Variants in CENPE observed in about 807,000 individuals in gnomAD.
CENPE encodes centromere-associated protein E.
Under a neutral mutation model 336.1 loss-of-function variants are expected in CENPE, and 145 were observed. The observed-to-expected ratio is 0.43, with a 90% confidence interval of 0.38 to 0.50. The LOEUF (loss-of-function observed/expected upper bound fraction) is 0.50. Ranked by LOEUF, CENPE falls within the 20% of genes least tolerant of loss-of-function variation. The probability of loss-of-function intolerance (pLI) is 0.00; values close to 1 mark genes in which losing one functional copy is unlikely to be tolerated. For synonymous variants in CENPE, 1,013 were observed against 984.8 expected (o/e 1.03, Z -0.54); for missense variants, 2,719 against 3,023.3 (o/e 0.90, Z 2.36).
At chr4:103,187,831 C>G (rs1408886575) in intron 8 of CENPE, among the ~76,000 whole-genome samples, 3 of 152,132 alleles carry the variant, frequency 2.0e-5, no homozygotes, top group African/African-American at 7.2e-5. Flanking sequence ...GCTAAATGCT[C>G]CAATGAAAAG....
At chr4:103,143,207 T>G in intron 34 of CENPE, 41 bp downstream of exon 34, 1 of 1,451,778 alleles carries the variant, frequency 6.9e-7, no homozygotes, top group Non-Finnish European at 9.3e-7. Flanking sequence ...AAAAGTTTGA[T>G]TCAAACTCTC....
At chr4:103,117,600 A>G (rs1024945947) in intron 44 of CENPE, among the ~76,000 whole-genome samples, 1 of 149,806 alleles carries the variant, frequency 6.7e-6, no homozygotes, top group African/African-American at 2.4e-5. Flanking sequence ...AATGTGTATT[A>G]AAAGTCCACT....
chr4:103,182,082 C>CT lies in CENPE; in HGVS notation c.964-627dup, dbSNP rs869229169. On this transcript the variant is annotated intron_variant, in intron 11 of 48. Transcript: ENST00000265148. ...ACTGATATTTCTCATTTTTCCTTTC[C>CT]TTTTTTTTTTTTTTGTTTTTTGTTT... 4.2e-3 allele frequency: 602 copies of CT among 142,306 alleles called. 4 individuals carry two copies. Among genetic ancestry groups the CT allele is most frequent in the Middle Eastern group, 0.011 (3 of 276 alleles). The allele number at this position is 142,306 out of a possible 1,614,324, so 8.8% of individuals were successfully genotyped here. A position where few individuals can be genotyped will look rare whatever the true frequency, so the allele number is the denominator to read the frequency against.
At chr4:103,114,967 G>C (rs1232711258) in intron 45 of CENPE, among the ~76,000 whole-genome samples, 1 of 152,120 alleles carries the variant, frequency 6.6e-6, no homozygotes, top group African/African-American at 2.4e-5. Context: ...TGCAGCTCTG[G>C]TCTAAGGTGC....
chr4:103,115,794 G>A lies in CENPE; in HGVS notation c.7442+783C>T, dbSNP rs962038165. ...CGCCCAGGCTGGAGTGCAGTGGTGC[G>A]ATCTCGGCTCACTGCAAGCTCCGCC... On this transcript the variant is annotated intron_variant, in intron 45 of 48. Transcript: ENST00000265148. Among the ~76,000 whole-genome samples, 8 of 149,124 alleles carry A rather than the reference G, an allele frequency of 5.4e-5. 1 individual carries two copies. The highest frequency in any genetic ancestry group is 4.3e-4 in the South Asian group (2 of 4,686).
At chr4:103,186,759 G>C (rs1756805212) in intron 8 of CENPE, among the ~76,000 whole-genome samples, 1 of 152,134 alleles carries the variant, frequency 6.6e-6, no homozygotes, top group Admixed American at 6.5e-5. Flanking sequence ...AGCTGGAAAA[G>C]GGGCCAGTAG....
chr4:103,179,832 GAATA>G (rs1756182564), intron 13 of CENPE, among the ~76,000 whole-genome samples: 1 of 152,038 alleles, frequency 6.6e-6, no homozygotes, highest in Non-Finnish European at 1.5e-5. Flanking sequence ...AAAGTCTACT[GAATA>G]AATAAATTCC....
At chr4:103,131,863 G>A (rs563742558) in intron 42 of CENPE, among the ~76,000 whole-genome samples, 6 of 152,310 alleles carry the variant, frequency 3.9e-5, no homozygotes, top group African/African-American at 1.4e-4. Flanking sequence ...GCTATATACT[G>A]TATGATTCCA....
chr4:103,197,137 A>G (rs1000947064), intron 1 of CENPE, among the ~76,000 whole-genome samples: 1 of 152,218 alleles, frequency 6.6e-6, no homozygotes, highest in Non-Finnish European at 1.5e-5. Context: ...CTTGCTTAAA[A>G]TTCTTAAAAC....
At chr4:103,129,466 C>T (rs377420671) in intron 42 of CENPE, among the ~76,000 whole-genome samples, 31 of 152,140 alleles carry the variant, frequency 2.0e-4, no homozygotes, top group South Asian at 8.3e-4. Flanking sequence ...AAGCTGGGTG[C>T]GGTGGTTCAC....
At chr4:103,154,739 T>A (rs1320385498) in intron 24 of CENPE, among the ~76,000 whole-genome samples, 1 of 152,158 alleles carries the variant, frequency 6.6e-6, no homozygotes, top group Non-Finnish European at 1.5e-5. Context: ...TAGATCTAAT[T>A]ATTAAATAAA....
chr4:103,183,920 T>C (rs778450230), intron 9 of CENPE, among the ~76,000 whole-genome samples: 93 of 152,178 alleles, frequency 6.1e-4, no homozygotes, highest in Admixed American at 3.4e-3. Context: ...CTTGGCAACA[T>C]ATCTTGGAAA....
rs116718624 is a variant in CENPE, at chr4:103,120,516, T to C, written c.7144-183A>G. Among the ~76,000 whole-genome samples the C allele has an allele frequency of 2.6e-5, 4 of 152,322 alleles. No homozygotes were observed. The East Asian group carries it at 7.7e-4, about 29-fold the overall frequency. ...CATGTTATTTCCCTCATTTAGATGA[T>C]GATTTTTGGATTGAAAATGTCAAAG... On this transcript the variant is annotated intron_variant, in intron 43 of 48. Coordinates refer to ENST00000265148, the MANE Select transcript of CENPE (RefSeq NM_001813.3).
chr4:103,130,543 A>G (rs1282201130), intron 42 of CENPE, among the ~76,000 whole-genome samples: 1 of 152,214 alleles, frequency 6.6e-6, no homozygotes, highest in Non-Finnish European at 1.5e-5. Context: ...AATATTCCAT[A>G]TTCATGGATA....
intron 33 of CENPE, among the ~76,000 whole-genome samples, chr4:103,143,751 T>C (rs1752762970): frequency 6.6e-6 from 1 of 152,226 alleles, no homozygotes. Context: ...ATTTCATTAT[T>C]GCAACTTGTT....
chr4:103,115,865 G>T (rs575723341), intron 45 of CENPE, among the ~76,000 whole-genome samples: 1 of 152,024 alleles, frequency 6.6e-6, no homozygotes, highest in East Asian at 1.9e-4. Context: ...CAAGTAGCTG[G>T]GACTACAGGC....
chr4:103,182,440 G>A (rs1756401161), intron 11 of CENPE, among the ~76,000 whole-genome samples: 2 of 152,006 alleles, frequency 1.3e-5, no homozygotes, highest in African/African-American at 4.8e-5. Flanking sequence ...CCTTCTATTT[G>A]TGGCAAGTAA....
At chr4:103,112,258 C>T (rs970864890) in intron 46 of CENPE, among the ~76,000 whole-genome samples, 16 of 146,532 alleles carry the variant, frequency 1.1e-4, no homozygotes, top group Non-Finnish European at 1.8e-4. Flanking sequence ...ATATATATTG[C>T]ATATTGAAAA....
At chr4:103,120,600 G>C (rs552450336) in intron 43 of CENPE, among the ~76,000 whole-genome samples, 7 of 152,250 alleles carry the variant, frequency 4.6e-5, no homozygotes, top group African/African-American at 1.4e-4. Flanking sequence ...CAGCACAGTG[G>C]TTATGCGATT....
Sources: allele counts gnomAD v4.1 joint callset (sites outside exome capture counted in the v4.1 genomes callset), GRCh38; gene constraint gnomAD v4.1.1; transcripts MANE v1.5; gene names NCBI Gene and HGNC (gene_info 2026-07-23, HGNC 2026-07-21).